Variants in KLHL28 observed in about 807,000 individuals in gnomAD.
KLHL28 encodes the protein kelch like family member 28.
In KLHL28, 22 loss-of-function variants were observed where a neutral mutation model predicts 48.3. The observed-to-expected ratio is 0.46, with a 90% CI of 0.33 to 0.65. The LOEUF is 0.65. Ranked by LOEUF, KLHL28 falls within the 30% of genes least tolerant of loss-of-function variation. KLHL28 has a pLI of 0.03. For synonymous variants in KLHL28, 243 were observed against 242.4 expected (o/e 1.00, Z -0.02); for missense variants, 527 against 704.3 (o/e 0.75, Z 2.85).
Position 44,934,204 on chromosome 14 carries a change from T to C in KLHL28, c.1254A>G (p.Pro418=), listed in dbSNP as rs1883708280. 6.2e-7 allele frequency: 1 copy of C among 1,614,068 alleles called. No individual in the cohort carries two copies. Among genetic ancestry groups the C allele is most frequent in the Admixed American group, 1.7e-5 (1 of 60,008 alleles). ...CAAAACAACTTCTTGTTGTCGTCAT[T>C]GGTGCCACAGGTTGCCATTTTCTTA... ...PKIRKWQPVA[P]MTTTRSCFAA... The change falls in exon 3 of 5, where the codon CCA becomes CCG. Residue 418 remains proline (P), a synonymous_variant. Transcript: ENST00000396128.
intron 2 of KLHL28, among the ~76,000 whole-genome samples, chr14:44,938,666 G>A (rs1385415401): frequency 6.6e-6 from 1 of 152,222 alleles, no homozygotes; most frequent in African/African-American, 2.4e-5. Context: ...CACCGCGCCC[G>A]GCCGAAAACA....
intron 2 of KLHL28, among the ~76,000 whole-genome samples, chr14:44,935,874 G>GTATATATATATATATATATATA (rs1241121406): frequency 4.5e-5 from 1 of 22,346 alleles, no homozygotes; most frequent in Non-Finnish European, 1.2e-4. Context: ...GTATGTGTAT[G>GTATATATATATATATATATATA]TATATATATA....
At chr14:44,947,566 C>T (rs1289503924) in intron 1 of KLHL28, among the ~76,000 whole-genome samples, 1 of 152,150 alleles carries the variant, frequency 6.6e-6, no homozygotes, top group Admixed American at 6.5e-5. Flanking sequence ...ACTCACATTT[C>T]AATCACAAGT....
chr14:44,949,992 TG>T (rs1884508822), intron 1 of KLHL28, among the ~76,000 whole-genome samples: 1 of 151,980 alleles, frequency 6.6e-6, no homozygotes, highest in African/African-American at 2.4e-5. Context: ...TAACACCTGA[TG>T]AACAGCAGAA....
At chr14:44,950,913 T>C (rs1181469887) in intron 1 of KLHL28, among the ~76,000 whole-genome samples, 1 of 152,120 alleles carries the variant, frequency 6.6e-6, no homozygotes, top group Non-Finnish European at 1.5e-5. Context: ...AGGGAACAAA[T>C]ACCTACCAAA....
intron 1 of KLHL28, among the ~76,000 whole-genome samples, chr14:44,947,880 G>C (rs577049976): frequency 6.6e-6 from 1 of 152,276 alleles, no homozygotes; most frequent in South Asian, 2.1e-4. Flanking sequence ...ATTCTCAAAT[G>C]TTATTGCAGT....
intron 1 of KLHL28, among the ~76,000 whole-genome samples, chr14:44,948,452 G>A (rs1884434009): frequency 6.6e-6 from 1 of 151,962 alleles, no homozygotes; most frequent in Non-Finnish European, 1.5e-5. Flanking sequence ...ATTATTAGGT[G>A]GAATAATAGG....
intron 1 of KLHL28, among the ~76,000 whole-genome samples, chr14:44,948,387 C>T (rs1189135378): frequency 1.3e-5 from 2 of 152,056 alleles, no homozygotes; most frequent in Non-Finnish European, 2.9e-5. Context: ...GTGAAGAACA[C>T]AGACTTTGGA....
Position 44,960,906 on chromosome 14 carries a change from G to A in KLHL28, c.-1+940C>T, listed in dbSNP as rs1455933829. 1.1e-5 allele frequency: 17 copies of A among 1,541,586 alleles called. No individual in the cohort carries two copies. In the Middle Eastern group the frequency reaches 1.0e-3, roughly 94 times the overall value. ...TCCCACCTGGTACAGAGCAGGGTAGGAATACTTGCATTTGAAGTGCATAAA... is the reference window on the plus strand; with the variant it reads ...TCCCACCTGGTACAGAGCAGGGTAGAAATACTTGCATTTGAAGTGCATAAA... On this transcript the variant is annotated intron_variant, in intron 1 of 4. Coordinates refer to ENST00000396128, the MANE Select transcript of KLHL28 (RefSeq NM_017658.5).
rs181925280 is a variant in KLHL28 at position 44,924,921 on chromosome 14, T to C, written c.*4107A>G. ...TCCATATTCACACCAGTAGGAAAAT[T>C]TGTAAACCTATTGTATTAAAAATGT... On this transcript the variant is annotated 3_prime_UTR_variant, in exon 5 of 5. Transcript: ENST00000396128. The C allele has an allele frequency of 6.5e-6, 1 of 152,734 alleles. No homozygotes were observed. Among genetic ancestry groups the C allele is most frequent in the Admixed American group, 6.5e-5 (1 of 15,298 alleles). 9.5% of individuals were successfully genotyped at this position (152,734 alleles called of 1,614,324 possible).
intron 1 of KLHL28, among the ~76,000 whole-genome samples, chr14:44,950,859 C>T (rs539597079): frequency 6.6e-6 from 1 of 152,224 alleles, no homozygotes; most frequent in East Asian, 1.9e-4. Flanking sequence ...CATGAAATGC[C>T]TTTCCATGCA....
At chr14:44,938,752 G>T (rs1883944490) in intron 2 of KLHL28, among the ~76,000 whole-genome samples, 1 of 152,198 alleles carries the variant, frequency 6.6e-6, no homozygotes, top group African/African-American at 2.4e-5. Context: ...CAGGAGTTGG[G>T]CCCCCAAGAC....
Position 44,934,228 on chromosome 14 carries a change from T to A in KLHL28, c.1230A>T (p.Ile410=). Residue 410 remains isoleucine, a synonymous_variant, in exon 3 of 5, where the codon ATA becomes ATT. Transcript: ENST00000396128. ...LQSVEKYIPK[I]RKWQPVAPMT... is the part of the protein sequence containing the mutation. ...TTGGTGCCACAGGTTGCCATTTTCT[T>A]ATTTTGGGAATGTACTTCTCTACAG... 1.9e-6 allele frequency: 3 copies of A among 1,614,186 alleles called. No homozygotes were observed. Among genetic ancestry groups the A allele is most frequent in the South Asian group, 1.1e-5 (1 of 91,086 alleles).
chr14:44,942,101 C>T (rs750507664), intron 2 of KLHL28, among the ~76,000 whole-genome samples: 1 of 152,172 alleles, frequency 6.6e-6, no homozygotes, highest in African/African-American at 2.4e-5. Flanking sequence ...CTGGATATTT[C>T]ATAGGCACTT....
chr14:44,948,009 C>T (rs1420567452), intron 1 of KLHL28, among the ~76,000 whole-genome samples: 2 of 152,170 alleles, frequency 1.3e-5, no homozygotes, highest in South Asian at 2.1e-4. Flanking sequence ...GATCTGTACA[C>T]GTTCTGTTAG....
chr14:44,952,481 T>C (rs1248814769), intron 1 of KLHL28, among the ~76,000 whole-genome samples: 1 of 152,212 alleles, frequency 6.6e-6, no homozygotes, highest in Non-Finnish European at 1.5e-5. Flanking sequence ...AGCTCAAGTT[T>C]AGCAGCTTAA....
At chr14:44,933,146 G>C (rs1045796112) in intron 3 of KLHL28, among the ~76,000 whole-genome samples, 6 of 151,618 alleles carry the variant, frequency 4.0e-5, no homozygotes, top group African/African-American at 1.5e-4. Context: ...TTTTATTATT[G>C]TAAATTTTTT....
intron 1 of KLHL28, among the ~76,000 whole-genome samples, chr14:44,957,563 T>C (rs914171407): frequency 6.6e-6 from 1 of 152,206 alleles, no homozygotes; most frequent in Non-Finnish European, 1.5e-5. Flanking sequence ...TCACTTCTCA[T>C]AAAATGAAAT....
intron 4 of KLHL28, among the ~76,000 whole-genome samples, chr14:44,929,667 T>G (rs1883502056): frequency 6.6e-6 from 1 of 152,172 alleles, no homozygotes; most frequent in African/African-American, 2.4e-5. Flanking sequence ...TGGAGCAATA[T>G]GAGCTTGATG....
Sources: allele counts gnomAD v4.1 joint callset (sites outside exome capture counted in the v4.1 genomes callset), GRCh38; gene constraint gnomAD v4.1.1; transcripts MANE v1.5; gene names NCBI Gene and HGNC (gene_info 2026-07-23, HGNC 2026-07-21).